The following PMPCA variants were observed in gnomAD, a reference collection of about 807,000 sequenced individuals.
The protein encoded by PMPCA is peptidase, mitochondrial processing subunit alpha, also known as mitochondrial-processing peptidase subunit alpha.
A neutral mutation model predicts 59.3 loss-of-function variants in PMPCA; 47 were observed. That is an observed-to-expected ratio of 0.79 (90% CI 0.63 to 1.01). The LOEUF is 1.01. Among genes scored for constraint, PMPCA ranks in the 50% least tolerant of loss-of-function variants. The pLI, the probability that PMPCA is intolerant of heterozygous loss-of-function variation, is 0.00. For synonymous variants in PMPCA, 338 were observed against 290.3 expected (o/e 1.16, Z -1.67); for missense variants, 726 against 704.5 (o/e 1.03, Z -0.34).
Position 136,418,849 on chromosome 9 carries a change from G to A in PMPCA, c.1131G>A (p.Ala377=), listed in dbSNP as rs949432714. 1.5e-5 allele frequency: 25 copies of A among 1,612,914 alleles called. No homozygotes were observed. The highest frequency in any genetic ancestry group is 1.1e-4 in the East Asian group (5 of 44,870). ...CCAGGCACCACTGGATGTATAACGCGACCTCCTACCACCACAGCTACGAGG... is the reference window on the plus strand; with the variant it reads ...CCAGGCACCACTGGATGTATAACGCAACCTCCTACCACCACAGCTACGAGG... The part of the protein sequence containing the change: ...VLNRHHWMYN[A]TSYHHSYEDT... Residue 377 remains alanine (A), a synonymous_variant, in exon 10 of 13, where the codon GCG becomes GCA. Transcript: ENST00000371717.
rs1238134733 is a variant in PMPCA at position 136,423,275 on chromosome 9, C to T, written c.*11C>T. 8 of 1,606,218 alleles carry T rather than the reference C, an allele frequency of 5.0e-6. No homozygotes were observed. The highest frequency in any genetic ancestry group is 1.7e-4 in the Middle Eastern group (1 of 5,974). On this transcript the variant is annotated 3_prime_UTR_variant, in exon 13 of 13. Coordinates refer to ENST00000371717, the MANE Select transcript of PMPCA (RefSeq NM_015160.3). ...CGGCTCTTCCGGTAGAACCGCTCCC[C>T]GGCCTGACAGACCCAGGGAGCTGCA...
rs1271162849 is a variant in PMPCA at position 136,416,577 on chromosome 9, G to A, written c.633+186G>A. ...CGCTGGTCTTGCACTCCTGGGCTCAGCTCAGGTGATCCTCCTGCCTCTGCC... is the reference window on the plus strand; with the variant it reads ...CGCTGGTCTTGCACTCCTGGGCTCAACTCAGGTGATCCTCCTGCCTCTGCC... On this transcript the variant is annotated intron_variant, in intron 6 of 12. Transcript: ENST00000371717. 4.6e-6 allele frequency: 3 copies of A among 653,058 alleles called. No individual in the cohort carries two copies. The Admixed American group carries it at 6.5e-5, about 14-fold the overall frequency. The allele number at this position is 653,058 out of a possible 1,614,324, so 40.5% of individuals were successfully genotyped here. A position where few individuals can be genotyped will look rare whatever the true frequency, so the allele number is the denominator to read the frequency against.
intron 1 of PMPCA, chr9:136,410,978 G>A (rs1425665907): frequency 5.1e-6 from 2 of 391,900 alleles, no homozygotes; most frequent in Admixed American, 4.5e-5. Context: ...CTCACTTCCC[G>A]GGTCGACGGG....
At chr9:136,419,417 C>G in intron 11 of PMPCA, 1 of 500,478 alleles carries the variant, frequency 2.0e-6, no homozygotes, top group South Asian at 2.2e-5. Flanking sequence ...GACCATGTGA[C>G]TCTCTCAGCT....
chr9:136,417,660 T>G (rs1369889816), intron 7 of PMPCA, among the ~76,000 whole-genome samples: 2 of 152,060 alleles, frequency 1.3e-5, no homozygotes, highest in African/African-American at 2.4e-5. Context: ...TTCACTATGT[T>G]GGCCAGGCTG....
chr9:136,420,628 A>G (rs1835422254), intron 11 of PMPCA: 1 of 152,226 alleles, frequency 6.6e-6, no homozygotes, highest in Non-Finnish European at 1.5e-5. Flanking sequence ...GGCCAGGAAA[A>G]AAAGCATTCA....
intron 1 of PMPCA, 149 bp downstream of exon 1, chr9:136,410,888 C>CT: frequency 3.3e-6 from 2 of 597,466 alleles, no homozygotes; most frequent in Non-Finnish European, 4.9e-6. Context: ...GACGGGGGCC[C>CT]TGCCTTGCTT....
chr9:136,417,015 TC>T lies in PMPCA; in HGVS notation c.699del (p.Asn234ThrfsTer9). ...RFCPTENVAK[I>X]NREVLHSYLR... The stretch of plus-strand genomic sequence containing the variant: ...TGCCCCACAGAAAACGTAGCAAAGA[TC>T]AACCGAGAGGTGCTGCATTCCTACC... On this transcript the variant is annotated frameshift_variant, in exon 7 of 13. Transcript: ENST00000371717. LOFTEE classifies it high-confidence loss of function. 6.2e-7 allele frequency: 1 copy of T among 1,613,264 alleles called. No individual in the cohort carries two copies.
chr9:136,414,298 G>T (rs963267190), intron 4 of PMPCA, among the ~76,000 whole-genome samples: 1 of 152,244 alleles, frequency 6.6e-6, no homozygotes, highest in African/African-American at 2.4e-5. Flanking sequence ...GGGGAAAAGT[G>T]TCTGCTGTTC....
chr9:136,410,664 G>A lies in PMPCA; in HGVS notation c.-5G>A. The stretch of plus-strand genomic sequence containing the variant: ...GTGACGACTGAAGCGGGGCGGAGAC[G>A]CAAGATGGCGGCTGTGGTGCTGGCG... On this transcript the variant is annotated 5_prime_UTR_variant, in exon 1 of 13. Coordinates refer to ENST00000371717, the MANE Select transcript of PMPCA (RefSeq NM_015160.3). 1.4e-6 allele frequency: 2 copies of A among 1,400,668 alleles called. No individual in the cohort carries two copies. Among genetic ancestry groups the A allele is most frequent in the Non-Finnish European group, 9.3e-7 (1 of 1,077,834 alleles). 86.8% of individuals were successfully genotyped at this position (1,400,668 alleles called of 1,614,324 possible).
At chr9:136,423,051 G>A (rs1455145555) in intron 12 of PMPCA, 44 bp from the exon 13 acceptor site, 11 of 1,567,744 alleles carry the variant, frequency 7.0e-6, no homozygotes, top group Non-Finnish European at 9.5e-6. Context: ...TCAGCGTGGG[G>A]GCCGTGGCGC....
Position 136,412,217 on chromosome 9 carries a change from G to C in PMPCA, c.274+18G>C. The C allele has an allele frequency of 6.4e-7, 1 of 1,565,728 alleles. No individual in the cohort carries two copies. The highest frequency in any genetic ancestry group is 8.8e-7 in the Non-Finnish European group (1 of 1,136,098). On this transcript the variant is annotated intron_variant, in intron 2 of 12. Transcript: ENST00000371717. The stretch of plus-strand genomic sequence containing the variant: ...AGTAGGAAGTAAGTACTGTTGTGTT[G>C]TCGTGGGTGGTCCCGCAGTTTTAAC...
At chr9:136,411,938 G>C in intron 1 of PMPCA, 59 bp from the exon 2 acceptor site, 3 of 955,300 alleles carry the variant, frequency 3.1e-6, no homozygotes, top group Non-Finnish European at 5.0e-6. Flanking sequence ...GCACCTAACA[G>C]GTCATCACAG....
intron 12 of PMPCA, chr9:136,422,371 G>A: frequency 8.8e-7 from 1 of 1,134,738 alleles, no homozygotes; most frequent in Middle Eastern, 3.2e-4. Context: ...TCGGGCAGGA[G>A]TCTCAGCCCC....
At chr9:136,416,182 A>T in intron 5 of PMPCA, 109 bp from the exon 6 acceptor site, 1 of 777,492 alleles carries the variant, frequency 1.3e-6, no homozygotes, top group East Asian at 2.5e-5. Flanking sequence ...GTGACTGCCA[A>T]CAGCCACCAA....
chr9:136,415,285 G>A (rs1248125824), intron 5 of PMPCA, among the ~76,000 whole-genome samples: 1 of 152,226 alleles, frequency 6.6e-6, no homozygotes, highest in African/African-American at 2.4e-5. Context: ...AAAGTCCTTA[G>A]TGTTTGAGAG....
At chr9:136,412,286 A>G (rs1000479449) in intron 2 of PMPCA, 87 bp downstream of exon 2, 33 of 1,018,812 alleles carry the variant, frequency 3.2e-5, no homozygotes, top group East Asian at 7.1e-5. Flanking sequence ...TAGCATGCCA[A>G]TTATGAATTG....
rs1274306126 is a variant in PMPCA, at chr9:136,416,298, A to G, written c.540A>G (p.Glu180=). The G allele has an allele frequency of 1.2e-6, 2 of 1,613,084 alleles. No homozygotes were observed. Among genetic ancestry groups the G allele is most frequent in the Non-Finnish European group, 1.7e-6 (2 of 1,179,390 alleles). ...CTTTGGGTTCTCTTGCAGATGAAGA[A>G]GTCGAGATGACGCGGATGGCGGTCC... The part of the protein sequence containing the change: ...VVLQPRLTDE[E]VEMTRMAVQF... The change falls in exon 6 of 13, where the codon GAA becomes GAG. Residue 180 remains glutamate, a synonymous_variant. Transcript: ENST00000371717.
In PMPCA at chr9:136,421,404, G is replaced by GTT. The variant is rs57128281; in HGVS notation, c.1264-406_1264-405dup. Among the ~76,000 whole-genome samples the GTT allele has an allele frequency of 4.2e-3, 501 of 117,922 alleles. 2 individuals are homozygous for GTT. The highest frequency in any genetic ancestry group is 6.1e-3 in the East Asian group (24 of 3,906). 77.4% of individuals were successfully genotyped at this position (117,922 alleles called of 152,430 possible). On this transcript the variant is annotated intron_variant, in intron 11 of 12. Coordinates refer to ENST00000371717, the MANE Select transcript of PMPCA (RefSeq NM_015160.3). ...GCCTGTGACTTGGGCCTGGGTTCCC[G>GTT]TTTTTTTTTTTTTTTTTTTTTTTGA...
Sources: allele counts gnomAD v4.1 joint callset (sites outside exome capture counted in the v4.1 genomes callset), GRCh38; gene constraint gnomAD v4.1.1; transcripts MANE v1.5; gene names NCBI Gene and HGNC (gene_info 2026-07-23, HGNC 2026-07-21).